TRMT9B: variants seen among roughly 807,000 people sequenced by gnomAD.
The protein encoded by TRMT9B is tRNA methyltransferase 9B (putative).
A neutral mutation model predicts 11.5 loss-of-function variants in TRMT9B; 16 were observed. The ratio of observed to expected loss-of-function variants is 1.39; its 90% CI spans 0.94 to 2.11. TRMT9B has a LOEUF of 2.11. Ranked by LOEUF, TRMT9B falls within the 30% of genes most tolerant of loss-of-function variation. The probability of loss-of-function intolerance (pLI) is 0.00; values close to 1 mark genes in which losing one functional copy is unlikely to be tolerated. For synonymous variants in TRMT9B, 274 were observed against 192.4 expected (o/e 1.42, Z -3.51); for missense variants, 941 against 553.8 (o/e 1.70, Z -7.02).
chr8:12,994,821 A>T (rs1003427284), intron 2 of TRMT9B, among the ~76,000 whole-genome samples: 1 of 152,134 alleles, frequency 6.6e-6, no homozygotes, highest in African/African-American at 2.4e-5. Flanking sequence ...ACCTAGGATT[A>T]TAGGCATGCA....
At chr8:12,946,054 G>A (rs1233538330) in intron 1 of TRMT9B, 88 bp downstream of exon 1, 1 of 152,168 alleles carries the variant, frequency 6.6e-6, no homozygotes, top group Non-Finnish European at 1.5e-5. Flanking sequence ...GACTATAAGT[G>A]CCATGAGGGT....
intron 4 of TRMT9B, among the ~76,000 whole-genome samples, chr8:13,015,322 A>G (rs1340968156): frequency 1.3e-5 from 2 of 151,844 alleles, no homozygotes; most frequent in Admixed American, 6.6e-5. Flanking sequence ...TCAAGTGTAC[A>G]TGTCTCGCCT....
At chr8:12,957,411 T>G (rs1801457551) in intron 1 of TRMT9B, among the ~76,000 whole-genome samples, 1 of 152,108 alleles carries the variant, frequency 6.6e-6, no homozygotes, top group South Asian at 2.1e-4. Context: ...CAGAAGCCAT[T>G]AAAATTTTAT....
intron 1 of TRMT9B, chr8:12,969,934 TC>T (rs1803361005): frequency 6.9e-6 from 1 of 145,796 alleles, no homozygotes; most frequent in African/African-American, 2.5e-5. Flanking sequence ...TCCTCCCACC[TC>T]AGCTTCCCAA....
Position 13,023,060 on chromosome 8 carries a change from C to G in TRMT9B, c.*1016C>G, listed in dbSNP as rs1022327680. Reference sequence around the variant, plus strand: ...GTATGTAGGTAGTAGGAGTTATATGCAAGTACCCAAGTGGTATTCTTCCAA... The same window carrying G: ...GTATGTAGGTAGTAGGAGTTATATGGAAGTACCCAAGTGGTATTCTTCCAA... On this transcript the variant is annotated 3_prime_UTR_variant, in exon 5 of 5. Transcript: ENST00000524591. 5.4e-5 allele frequency: 9 copies of G among 167,018 alleles called. No individual in the cohort carries two copies. The highest frequency in any genetic ancestry group is 3.1e-3 in the Middle Eastern group (1 of 318). The allele number at this position is 167,018 out of a possible 1,614,324, so 10.3% of individuals were successfully genotyped here.
rs1397544249 is a variant in TRMT9B at position 13,029,289 on chromosome 8, CT to C, written c.*7251del. 3.0e-5 allele frequency: 5 copies of C among 166,976 alleles called. No homozygotes were observed. Among genetic ancestry groups the C allele is most frequent in the African/African-American group, 1.2e-4 (5 of 41,452 alleles). The allele number at this position is 166,976 out of a possible 1,614,324, so 10.3% of individuals were successfully genotyped here. A position where few individuals can be genotyped will look rare whatever the true frequency, so the allele number is the denominator to read the frequency against. Reference sequence around the variant, plus strand: ...TGTATTTGGGTCAAAAGTGCAAAAACTTTTTTCTACAATGTACAGTTATTTT... The same window carrying C: ...TGTATTTGGGTCAAAAGTGCAAAAACTTTTTCTACAATGTACAGTTATTTT... On this transcript the variant is annotated 3_prime_UTR_variant, in exon 5 of 5. Coordinates refer to ENST00000524591, the MANE Select transcript of TRMT9B (RefSeq NM_020844.3).
intron 1 of TRMT9B, among the ~76,000 whole-genome samples, chr8:12,950,557 C>CTTTCTTTCTTTCTTTCTTTT (rs1800519252): frequency 6.6e-6 from 1 of 151,956 alleles, no homozygotes; most frequent in Non-Finnish European, 1.5e-5. Flanking sequence ...TTCTTTCTTT[C>CTTTCTTTCTTTCTTTCTTTT]TTTCTTTTTG....
chr8:13,002,212 G>C (rs1353149854), intron 2 of TRMT9B, among the ~76,000 whole-genome samples: 2 of 152,180 alleles, frequency 1.3e-5, no homozygotes, highest in Non-Finnish European at 2.9e-5. Context: ...GCTTGAAATT[G>C]AAGTCATTTT....
intron 1 of TRMT9B, among the ~76,000 whole-genome samples, chr8:12,967,134 A>G (rs1267908848): frequency 2.0e-5 from 3 of 152,216 alleles, no homozygotes; most frequent in Non-Finnish European, 4.4e-5. Flanking sequence ...CAAACAAGAC[A>G]TATCTTTAGG....
intron 2 of TRMT9B, among the ~76,000 whole-genome samples, chr8:12,993,444 C>T (rs1215315886): frequency 2.0e-5 from 3 of 152,150 alleles, no homozygotes; most frequent in Admixed American, 6.5e-5. Context: ...GTGTCTCCAG[C>T]CAAGTGGACA....
intron 2 of TRMT9B, among the ~76,000 whole-genome samples, chr8:13,000,445 TC>T (rs1356659080): frequency 6.6e-6 from 1 of 152,170 alleles, no homozygotes; most frequent in Non-Finnish European, 1.5e-5. Context: ...TGTCCTCTCT[TC>T]CATCCTCCAA....
chr8:13,003,541 GAGAAAC>G (rs1809851789), intron 2 of TRMT9B, among the ~76,000 whole-genome samples: 2 of 152,208 alleles, frequency 1.3e-5, no homozygotes, highest in African/African-American at 4.8e-5. Flanking sequence ...TGCCACCGCT[GAGAAAC>G]AGTGGGTCAT....
At position 13,021,188 on chromosome 8, in the gene TRMT9B, C is replaced by G; in HGVS notation, c.509C>G (p.Ser170Ter). 6.2e-7 allele frequency: 1 copy of G among 1,613,764 alleles called. No individual in the cohort carries two copies. The highest frequency in any genetic ancestry group is 8.5e-7 in the Non-Finnish European group (1 of 1,179,786). Residue 170 changes from serine to a stop codon, truncating the protein, a stop_gained, in exon 5 of 5, where the codon TCA becomes TGA. Coordinates refer to ENST00000524591, the MANE Select transcript of TRMT9B (RefSeq NM_020844.3). LOFTEE classifies it low-confidence loss of function (END_TRUNC). ...WNRALCSQLF[S>*]ESSQSGRKRQ... ...AGGGCTCTGTGTTCCCAGCTCTTCT[C>G]AGAGTCCAGCCAGTCTGGGAGGAAG... is the stretch of plus-strand genomic sequence containing the variant.
intron 1 of TRMT9B, among the ~76,000 whole-genome samples, chr8:12,979,064 AG>A (rs926078479): frequency 2.1e-4 from 32 of 152,230 alleles, no homozygotes; most frequent in African/African-American, 7.7e-4. Context: ...GACACTGAGA[AG>A]GGGAGGGAAC....
rs780135522 is a variant in TRMT9B, at chr8:13,025,673, A to G, written c.*3629A>G. On this transcript the variant is annotated 3_prime_UTR_variant, in exon 5 of 5. Coordinates refer to ENST00000524591, the MANE Select transcript of TRMT9B (RefSeq NM_020844.3). ...GAGAATCATTCAAGCACCTATTTAA[A>G]TTTTTTCCAATTGCCAGTATAGTGA... is the stretch of plus-strand genomic sequence containing the variant. 6.0e-6 allele frequency: 1 copy of G among 167,030 alleles called. No individual in the cohort carries two copies. The highest frequency in any genetic ancestry group is 6.5e-5 in the Admixed American group (1 of 15,272). 10.3% of individuals were successfully genotyped at this position (167,030 alleles called of 1,614,324 possible).
Position 13,028,442 on chromosome 8 carries a change from T to C in TRMT9B, c.*6398T>C, listed in dbSNP as rs992987086. The C allele has an allele frequency of 6.0e-6, 1 of 167,042 alleles. No homozygotes were observed. The highest frequency in any genetic ancestry group is 2.4e-5 in the African/African-American group (1 of 41,454). The allele number at this position is 167,042 out of a possible 1,614,324, so 10.3% of individuals were successfully genotyped here. ...TTTTTCTATGAATATTACCTCCACA[T>C]TGAAAAACGAGTGAGTCACTGCAGT... On this transcript the variant is annotated 3_prime_UTR_variant, in exon 5 of 5. Transcript: ENST00000524591.
rs1810521432 is a variant in TRMT9B, at chr8:13,006,577, C to T, written c.154+221C>T. ...CTAATAGGAATCCTGAAATTGCACC[C>T]TTGGCATGCCAGTACCTAGAATATT... is the stretch of plus-strand genomic sequence containing the variant. On this transcript the variant is annotated intron_variant, in intron 3 of 4. Transcript: ENST00000524591. 4.2e-6 allele frequency: 6 copies of T among 1,421,622 alleles called. No individual in the cohort carries two copies. In the Admixed American group the frequency reaches 1.1e-4, roughly 27 times the overall value. 88.1% of individuals were successfully genotyped at this position (1,421,622 alleles called of 1,614,324 possible).
intron 1 of TRMT9B, among the ~76,000 whole-genome samples, chr8:12,989,773 G>T (rs1172702737): frequency 6.6e-6 from 1 of 152,162 alleles, no homozygotes; most frequent in Non-Finnish European, 1.5e-5. Flanking sequence ...ATTAAGGTAG[G>T]CTCTAAAATT....
chr8:12,966,285 G>A (rs1802813317), intron 1 of TRMT9B, among the ~76,000 whole-genome samples: 1 of 152,180 alleles, frequency 6.6e-6, no homozygotes, highest in Non-Finnish European at 1.5e-5. Flanking sequence ...TGCTCAGGGT[G>A]TGGGCGGGGG....
Sources: allele counts gnomAD v4.1 joint callset (sites outside exome capture counted in the v4.1 genomes callset), GRCh38; gene constraint gnomAD v4.1.1; transcripts MANE v1.5; gene names NCBI Gene and HGNC (gene_info 2026-07-23, HGNC 2026-07-21).